The following LIMS1 variants were observed in gnomAD, a reference collection of about 807,000 sequenced individuals.
LIMS1 encodes LIM and senescent cell antigen-like-containing domain protein 1.
LIMS1 carries 18 observed loss-of-function variants against 44.1 expected under a neutral mutation model. The ratio of observed to expected loss-of-function variants is 0.41; its 90% CI spans 0.28 to 0.61. The LOEUF is 0.61. Ranked by LOEUF, LIMS1 falls within the 20% of genes least tolerant of loss-of-function variation. The pLI, the probability that LIMS1 is intolerant of heterozygous loss-of-function variation, is 0.32. For missense variants in LIMS1, 201 were observed against 422.0 expected, an observed-to-expected ratio of 0.48 and a Z score of 4.59; for synonymous variants, 93 against 149.1, an observed-to-expected ratio of 0.62 and a Z score of 2.74.
chr2:108,647,217 G>A (rs1348205820), intron 1 of LIMS1, among the ~76,000 whole-genome samples: 1 of 152,160 alleles, frequency 6.6e-6, no homozygotes, highest in Non-Finnish European at 1.5e-5. Context: ...AAATCTAGAA[G>A]AAATGGATAA....
At chr2:108,631,997 G>A (rs1447771304) in intron 1 of LIMS1, among the ~76,000 whole-genome samples, 1 of 152,176 alleles carries the variant, frequency 6.6e-6, no homozygotes, top group Non-Finnish European at 1.5e-5. Context: ...TTGAGATGCA[G>A]TTTCCCTCTT....
intron 1 of LIMS1, among the ~76,000 whole-genome samples, chr2:108,548,183 G>C (rs577190849): frequency 5.3e-5 from 8 of 152,300 alleles, no homozygotes; most frequent in African/African-American, 1.4e-4. Flanking sequence ...GGATATCTAG[G>C]ACACTAGGTT....
At chr2:108,563,650 T>C (rs1334766699) in intron 1 of LIMS1, among the ~76,000 whole-genome samples, 2 of 152,248 alleles carry the variant, frequency 1.3e-5, no homozygotes, top group East Asian at 3.8e-4. Flanking sequence ...TCTTGAAATG[T>C]AGTCTACTCC....
intron 1 of LIMS1, among the ~76,000 whole-genome samples, chr2:108,580,171 A>G (rs1253800618): frequency 6.6e-6 from 1 of 152,220 alleles, no homozygotes; most frequent in Non-Finnish European, 1.5e-5. Context: ...GAGAAGGGCA[A>G]ACAACTAGGG....
At chr2:108,551,774 C>A (rs1027834221) in intron 1 of LIMS1, among the ~76,000 whole-genome samples, 7 of 142,064 alleles carry the variant, frequency 4.9e-5, no homozygotes, top group Non-Finnish European at 1.1e-4. Flanking sequence ...TATTGTATAT[C>A]ATATACAATA....
intron 2 of LIMS1, among the ~76,000 whole-genome samples, chr2:108,661,538 G>A (rs1429801818): frequency 6.6e-6 from 1 of 152,094 alleles, no homozygotes; most frequent in African/African-American, 2.4e-5. Flanking sequence ...GAAGAGGGCA[G>A]GAGAGGAGCT....
intron 2 of LIMS1, among the ~76,000 whole-genome samples, chr2:108,666,486 C>T (rs1311275308): frequency 1.1e-4 from 14 of 129,196 alleles, no homozygotes; most frequent in South Asian, 2.9e-4. Context: ...CCTGGCTCTA[C>T]CAGTTTATTC....
chr2:108,543,711 T>C (rs1256980553), intron 1 of LIMS1, among the ~76,000 whole-genome samples: 1 of 152,186 alleles, frequency 6.6e-6, no homozygotes, highest in African/African-American at 2.4e-5. Flanking sequence ...ACTTACGTCT[T>C]CAGGTGAATG....
intron 1 of LIMS1, among the ~76,000 whole-genome samples, chr2:108,629,611 G>A (rs1486479748): frequency 6.6e-6 from 1 of 152,206 alleles, no homozygotes; most frequent in East Asian, 1.9e-4. Flanking sequence ...TAATGAGCTT[G>A]TTTAGTACGT....
At chr2:108,633,705 A>G (rs1689058153) in intron 1 of LIMS1, among the ~76,000 whole-genome samples, 1 of 152,272 alleles carries the variant, frequency 6.6e-6, no homozygotes, top group Non-Finnish European at 1.5e-5. Context: ...GCCCAGAGTC[A>G]TACAAGTGCA....
intron 1 of LIMS1, among the ~76,000 whole-genome samples, chr2:108,640,485 G>A (rs924139858): frequency 2.0e-5 from 3 of 152,170 alleles, no homozygotes; most frequent in African/African-American, 7.2e-5. Flanking sequence ...CCTGCCTTGT[G>A]TTGCAGAACC....
intron 1 of LIMS1, among the ~76,000 whole-genome samples, chr2:108,653,531 G>A (rs1304303956): frequency 1.3e-5 from 2 of 151,902 alleles, no homozygotes; most frequent in Non-Finnish European, 2.9e-5. Flanking sequence ...GGTTTTGGTG[G>A]GTGGCACACT....
intron 1 of LIMS1, among the ~76,000 whole-genome samples, chr2:108,583,941 G>A (rs751441520): frequency 7.9e-5 from 12 of 151,958 alleles, no homozygotes; most frequent in Non-Finnish European, 1.0e-4. Context: ...TGATCTGACC[G>A]CCTCGGCCTC....
At chr2:108,643,393 G>T (rs569926148) in intron 1 of LIMS1, among the ~76,000 whole-genome samples, 3 of 152,172 alleles carry the variant, frequency 2.0e-5, no homozygotes, top group Non-Finnish European at 4.4e-5. Flanking sequence ...GAAGCGCAAG[G>T]GGTTGGGGAA....
chr2:108,668,108 G>A (rs1186381373), intron 2 of LIMS1, among the ~76,000 whole-genome samples: 2 of 152,056 alleles, frequency 1.3e-5, no homozygotes, highest in Non-Finnish European at 2.9e-5. Context: ...GGGGCACAGT[G>A]TGATGTTTCA....
exon 10 of LIMS1, chr2:108,684,237 CA>C (rs988857137): frequency 9.5e-4 from 174 of 182,544 alleles, no homozygotes; most frequent in East Asian, 2.3e-3. Context: ...AGACTGTTTA[CA>C]AAAAAAAAAC....
chr2:108,665,745 C>T (rs1691708712), intron 2 of LIMS1, among the ~76,000 whole-genome samples: 1 of 151,798 alleles, frequency 6.6e-6, no homozygotes. Flanking sequence ...AGGCTGGTAT[C>T]GAACTCCTGA....
chr2:108,674,262 G>A (rs897667324), intron 5 of LIMS1, among the ~76,000 whole-genome samples: 16 of 152,000 alleles, frequency 1.1e-4, no homozygotes, highest in African/African-American at 2.2e-4. Flanking sequence ...CCCGGAAGGC[G>A]GAGGTTGCAG....
At chr2:108,611,958 T>TATACATATATAAAATATATATACA (rs1439833875) in intron 1 of LIMS1, among the ~76,000 whole-genome samples, 1 of 141,898 alleles carries the variant, frequency 7.0e-6, no homozygotes, top group African/African-American at 2.7e-5. Flanking sequence ...TATACATATA[T>TATACATATATAAAATATATATACA]TATATATACA....
Sources: gnomAD v4.1 joint callset for allele counts (sites outside exome capture counted in the v4.1 genomes callset) on GRCh38, gnomAD v4.1.1 for gene constraint, MANE v1.5 for transcripts, NCBI Gene and HGNC (gene_info 2026-07-23, HGNC 2026-07-21) for gene names.